KAZN: variants seen among roughly 807,000 people sequenced by gnomAD.
The protein encoded by KAZN is kazrin.
A neutral mutation model predicts 87.4 loss-of-function variants in KAZN; 40 were observed. The ratio of observed to expected loss-of-function variants is 0.46; its 90% confidence interval spans 0.36 to 0.60. The LOEUF (loss-of-function observed/expected upper bound fraction) is 0.60, where lower values mean the gene tolerates loss of function less well. Among genes scored for constraint, KAZN ranks in the 20% least tolerant of loss-of-function variants. The probability of loss-of-function intolerance (pLI) is 0.00; values close to 1 mark genes in which losing one functional copy is unlikely to be tolerated. For synonymous variants in KAZN, 466 were observed against 458.3 expected (o/e 1.02, Z -0.22); for missense variants, 898 against 1,073.9 (o/e 0.84, Z 2.29).
chr1:14,405,406 A>G (rs1663756114), intron 2 of KAZN, among the ~76,000 whole-genome samples: 3 of 152,164 alleles, frequency 2.0e-5, no homozygotes, highest in African/African-American at 4.8e-5. Context: ...AAGTTTTGAC[A>G]CTTAAGATCC....
At chr1:14,048,668 G>A (rs1314509284) in intron 1 of KAZN, among the ~76,000 whole-genome samples, 1 of 152,154 alleles carries the variant, frequency 6.6e-6, no homozygotes, top group Non-Finnish European at 1.5e-5. Context: ...GCCTCTCAAA[G>A]TGCTGGGATT....
At position 14,039,986 on chromosome 1, in the gene KAZN, A is replaced by G. The variant is rs552305368; in HGVS notation, c.92-140449A>G. On this transcript the variant is annotated intron_variant, in intron 1 of 16. Coordinates refer to the KAZN transcript ENST00000636203. ...GGGGATTTTTATGAAAACGTTAGAT[A>G]AATCTTACTTGGGTAATAAATTCAT... is the stretch of plus-strand genomic sequence containing the variant. Among the ~76,000 whole-genome samples the G allele has an allele frequency of 1.7e-3, 255 of 152,362 alleles. 1 individual carries two copies. The Middle Eastern group carries it at 0.017, about 10-fold the overall frequency.
chr1:14,914,303 T>C (rs747938497), intron 1 of KAZN, among the ~76,000 whole-genome samples: 5 of 152,180 alleles, frequency 3.3e-5, no homozygotes, highest in Non-Finnish European at 7.3e-5. Context: ...TGTACCCCCC[T>C]GGGCAAGTGT....
rs868150724 is a variant in KAZN, at chr1:14,148,213, C to T, written c.92-32222C>T. Reference sequence around the variant, plus strand: ...GACCCTGTCTCAAAACAAAACAAAACACAAACTTGAGGTGCTATGATTTTC... The same window carrying T: ...GACCCTGTCTCAAAACAAAACAAAATACAAACTTGAGGTGCTATGATTTTC... On this transcript the variant is annotated intron_variant, in intron 1 of 16. Coordinates refer to the KAZN transcript ENST00000636203. Among the ~76,000 whole-genome samples, 4 of 70,090 alleles carry T rather than the reference C, an allele frequency of 5.7e-5. No homozygotes were observed. The South Asian group carries it at 1.3e-3, about 23-fold the overall frequency. 46.0% of individuals were successfully genotyped at this position (70,090 alleles called of 152,430 possible). A position where few individuals can be genotyped will look rare whatever the true frequency, so the allele number is the denominator to read the frequency against.
At chr1:14,931,988 A>G (rs1310637172) in intron 1 of KAZN, among the ~76,000 whole-genome samples, 1 of 152,136 alleles carries the variant, frequency 6.6e-6, no homozygotes, top group African/African-American at 2.4e-5. Flanking sequence ...GTGAACTCAC[A>G]AGACTGCCGT....
intron 1 of KAZN, among the ~76,000 whole-genome samples, chr1:14,055,080 C>A (rs2101484140): frequency 6.6e-6 from 1 of 152,214 alleles, no homozygotes; most frequent in South Asian, 2.1e-4. Context: ...ACCAAAAATG[C>A]CCATGGAAGG....
chr1:14,942,872 G>A (rs1343744770), intron 1 of KAZN, among the ~76,000 whole-genome samples: 5 of 152,082 alleles, frequency 3.3e-5, no homozygotes, highest in African/African-American at 9.7e-5. Context: ...TAGCAGGGCC[G>A]TCTGTAATCC....
intron 1 of KAZN, among the ~76,000 whole-genome samples, chr1:14,694,728 C>G (rs184385562): frequency 6.6e-6 from 1 of 152,170 alleles, no homozygotes; most frequent in Non-Finnish European, 1.5e-5. Flanking sequence ...CCTCCATGAG[C>G]CTCAGTTTTC....
rs1285383084 is a variant in KAZN, at chr1:14,514,365, T to A, written c.250-84618T>A. On this transcript the variant is annotated intron_variant, in intron 2 of 16. Coordinates refer to the KAZN transcript ENST00000636203. Reference sequence around the variant, plus strand: ...ATATTTATATATATTATATATATATTTATATATATAATATATATATATTAT... The same window carrying A: ...ATATTTATATATATTATATATATATATATATATATAATATATATATATTAT... Among the ~76,000 whole-genome samples the A allele has an allele frequency of 2.7e-4, 4 of 14,680 alleles. 1 individual carries two copies. The East Asian group carries it at 3.2e-3, about 12-fold the overall frequency. 9.6% of individuals were successfully genotyped at this position (14,680 alleles called of 152,430 possible).
At chr1:13,971,401 T>C (rs1490836952) in intron 1 of KAZN, among the ~76,000 whole-genome samples, 1 of 152,192 alleles carries the variant, frequency 6.6e-6, no homozygotes, top group African/African-American at 2.4e-5. Flanking sequence ...TCAACGGGCA[T>C]TGAATTGGAG....
chr1:14,356,638 G>A lies in KAZN; in HGVS notation c.249+176046G>A, dbSNP rs538921852. ...GGAAGGGGTCCAGTTTCAGTTTTCT[G>A]CATATGGCTAGCCAGTTTTCCCAAC... is the stretch of plus-strand genomic sequence containing the variant. On this transcript the variant is annotated intron_variant, in intron 2 of 16. Coordinates refer to the KAZN transcript ENST00000636203. Among the ~76,000 whole-genome samples the A allele has an allele frequency of 2.5e-3, 384 of 152,150 alleles. 2 individuals are homozygous for A. Among genetic ancestry groups the A allele is most frequent in the Non-Finnish European group, 4.4e-3 (300 of 67,964 alleles).
chr1:14,341,904 G>C (rs1456942490), intron 2 of KAZN, among the ~76,000 whole-genome samples: 2 of 152,150 alleles, frequency 1.3e-5, no homozygotes, highest in Admixed American at 6.5e-5. Flanking sequence ...ATGGGGGTTT[G>C]TCGTACAGAT....
chr1:14,318,907 AT>A, intron 2 of KAZN, among the ~76,000 whole-genome samples: 1 of 151,800 alleles, frequency 6.6e-6, no homozygotes, highest in Admixed American at 6.6e-5. Flanking sequence ...TTATGTTCAG[AT>A]TTTTCCTTTA....
chr1:14,839,649 C>T (rs895695917), intron 1 of KAZN, among the ~76,000 whole-genome samples: 8 of 152,114 alleles, frequency 5.3e-5, no homozygotes, highest in African/African-American at 1.9e-4. Flanking sequence ...TTTTAATCTA[C>T]CTGTTTGTGT....
intron 2 of KAZN, among the ~76,000 whole-genome samples, chr1:14,410,409 C>T (rs941172117): frequency 6.6e-6 from 1 of 152,120 alleles, no homozygotes; most frequent in Non-Finnish European, 1.5e-5. Context: ...GCCCAGTTTA[C>T]TTTTAATAGG....
At chr1:14,400,793 C>T (rs1386723250) in intron 2 of KAZN, among the ~76,000 whole-genome samples, 1 of 152,182 alleles carries the variant, frequency 6.6e-6, no homozygotes, top group East Asian at 1.9e-4. Context: ...TGTAGAAGAA[C>T]AAGGCCCTGC....
intron 2 of KAZN, among the ~76,000 whole-genome samples, chr1:14,258,235 A>T (rs1218351891): frequency 7.5e-4 from 71 of 95,072 alleles, no homozygotes; most frequent in African/African-American, 3.4e-3. Context: ...TTTTTTTTTG[A>T]GACAGAGTCT....
At chr1:13,893,491 G>A (rs1570195917) in exon 1 of KAZN, 1 of 1,110,804 alleles carries the variant, frequency 9.0e-7, no homozygotes, top group Non-Finnish European at 1.2e-6. Context: ...AAAACTGCAA[G>A]GAAAGGGTGG....
At position 14,051,916 on chromosome 1, in the gene KAZN, C is replaced by T. The variant is rs117458307; in HGVS notation, c.92-128519C>T. ...AAAAAAATGCTGTTACTTACCATGC[C>T]TGTCCTATGTTCTGGAGCTCTTCCA... On this transcript the variant is annotated intron_variant, in intron 1 of 16. Coordinates refer to the KAZN transcript ENST00000636203. 2.4e-4 allele frequency among the ~76,000 whole-genome samples: 36 copies of T among 152,324 alleles called. 1 individual carries two copies. In the East Asian group the frequency reaches 5.8e-3, roughly 24 times the overall value.
Sources: allele counts gnomAD v4.1 joint callset (sites outside exome capture counted in the v4.1 genomes callset), GRCh38; gene constraint gnomAD v4.1.1; transcripts MANE v1.5; gene names NCBI Gene and HGNC (gene_info 2026-07-23, HGNC 2026-07-21).